TP53I13: variants seen among roughly 807,000 people sequenced by gnomAD.
TP53I13 encodes the protein tumor protein p53 inducible protein 13, also known as tumor protein p53-inducible protein 13.
In TP53I13, 27 loss-of-function variants were observed where a neutral mutation model predicts 39.1. That is an observed-to-expected ratio of 0.69 (90% CI 0.51 to 0.95). The LOEUF is 0.95. Among genes scored for constraint, TP53I13 ranks in the 40% least tolerant of loss-of-function variants. TP53I13 has a pLI of 0.00. For synonymous variants in TP53I13, 230 were observed against 224.6 expected, an observed-to-expected ratio of 1.02 and a Z score of -0.22; for missense variants, 544 against 520.4, an observed-to-expected ratio of 1.05 and a Z score of -0.44.
chr17:29,568,990 G>A lies in TP53I13; in HGVS notation c.73-28G>A, dbSNP rs763788667. 36 of 1,601,346 alleles carry A rather than the reference G, an allele frequency of 2.2e-5. No individual in the cohort carries two copies. The highest frequency in any genetic ancestry group is 4.3e-6 in the Non-Finnish European group (5 of 1,175,334). ...AGGGCAGGGCCTCGCCGCGTCCAGC[G>A]CCCCAACTCTTCGCTTTGGACCCAC... On this transcript the variant is annotated intron_variant, in intron 1 of 6. Transcript: ENST00000301057. The surrounding 1 kb of genome is among the most constrained non-coding windows in gnomAD (Gnocchi z 4.5).
rs1567763937 is a variant in TP53I13 at position 29,572,839 on chromosome 17, C to CCTCGCGCCGGGTCAAGCG, written c.1108_1125dup (p.Val370_Arg375dup). On this transcript the variant is annotated inframe_insertion, in exon 7 of 7. Transcript: ENST00000301057. ...GTGCTGAAGCGGAGGCTGCTGCAGC[C>CCTCGCGCCGGGTCAAGCG]CTCGCGCCGGGTCAAGCGCTCGCGC... The CCTCGCGCCGGGTCAAGCG allele has an allele frequency of 7.2e-6, 11 of 1,527,162 alleles. No individual in the cohort carries two copies. The highest frequency in any genetic ancestry group is 2.5e-5 in the East Asian group (1 of 39,782). 94.6% of individuals were successfully genotyped at this position (1,527,162 alleles called of 1,614,324 possible).
chr17:29,580,424 C>T, the TP53I13 span, among the ~76,000 whole-genome samples: 1 of 152,222 alleles, frequency 6.6e-6, no homozygotes, highest in African/African-American at 2.4e-5. Flanking sequence ...AGAGCACCTC[C>T]TCTCTCCAGA....
upstream of TP53I13, chr17:29,566,657 G>T: frequency 6.2e-7 from 1 of 1,603,434 alleles, no homozygotes. Flanking sequence ...TGCAGGTGGG[G>T]CCCGGAGAAC....
chr17:29,568,610 G>A (rs1027571660), upstream of TP53I13: 8 of 298,634 alleles, frequency 2.7e-5, no homozygotes, highest in Non-Finnish European at 3.5e-5. The surrounding 1 kb of genome is among the most constrained non-coding windows in gnomAD (Gnocchi z 4.5). Context: ...GGGGCCCACT[G>A]TCTGGGGAGG....
At chr17:29,574,909 T>C, downstream of TP53I13, 1 of 1,562,838 alleles carries the variant, frequency 6.4e-7, no homozygotes, top group Non-Finnish European at 8.6e-7. Flanking sequence ...GCTCCAGGGC[T>C]GGCCTCTGGA....
chr17:29,577,049 T>G, downstream of TP53I13: 3 of 1,607,246 alleles, frequency 1.9e-6, no homozygotes, highest in Non-Finnish European at 2.5e-6. Flanking sequence ...AACCCATCTC[T>G]CAGGTCACCA....
Position 29,568,848 on chromosome 17 carries a change from TG to T in TP53I13, c.72+21del, listed in dbSNP as rs1334748626. ...CCAGCGAGGTAAGGTGACCCGCTCC[TG>T]GGAAGGCCTCGGCCCGCGAGCTCAA... On this transcript the variant is annotated intron_variant, in intron 1 of 6. Coordinates refer to ENST00000301057, the MANE Select transcript of TP53I13 (RefSeq NM_138349.4). This position sits in a 1 kb window ranked among gnomAD's most constrained non-coding sequence, Gnocchi z 4.5. 6.3e-7 allele frequency: 1 copy of T among 1,599,914 alleles called. No homozygotes were observed. The highest frequency in any genetic ancestry group is 1.1e-5 in the South Asian group (1 of 91,056).
At chr17:29,581,884 A>C in the TP53I13 span, 34 of 1,600,056 alleles carry the variant, frequency 2.1e-5, no homozygotes, top group South Asian at 2.6e-4. The surrounding 1 kb of genome is among the most constrained non-coding windows in gnomAD (Gnocchi z 4.8). Context: ...GCCCTCACCC[A>C]CACCCCCACC....
At chr17:29,575,956 C>T (rs1222749451), downstream of TP53I13, 8 of 1,529,522 alleles carry the variant, frequency 5.2e-6, no homozygotes, top group Middle Eastern at 3.4e-4. This position sits in a 1 kb window ranked among gnomAD's most constrained non-coding sequence, Gnocchi z 5.5. Context: ...CCCTGCTCAC[C>T]AGCAGTGCAG....
rs1183291252 is a variant in TP53I13 at position 29,572,685 on chromosome 17, G to T, written c.1057G>T (p.Asp353Tyr). 3 of 1,559,134 alleles carry T rather than the reference G, an allele frequency of 1.9e-6. No individual in the cohort carries two copies. The highest frequency in any genetic ancestry group is 1.7e-6 in the Non-Finnish European group (2 of 1,151,618). The change falls in exon 6 of 7, where the codon GAC (aspartate) becomes TAC (tyrosine). Residue 353 changes from aspartate to tyrosine, a missense_variant. Transcript: ENST00000301057. ...IYWGPTADSQ[D>Y]TVAAVLKRRL... Reference sequence around the variant, plus strand: ...CTGGGGGCCCACAGCGGACAGCCAGGACACAGTGGCTGGTGAGGAGTTCCC... The same window carrying T: ...CTGGGGGCCCACAGCGGACAGCCAGTACACAGTGGCTGGTGAGGAGTTCCC...
downstream of TP53I13, chr17:29,575,561 C>A: frequency 7.0e-6 from 11 of 1,564,784 alleles, no homozygotes; most frequent in Non-Finnish European, 1.7e-6. This position sits in a 1 kb window ranked among gnomAD's most constrained non-coding sequence, Gnocchi z 5.5. Flanking sequence ...TCCTCACACA[C>A]TGGGGGCCCT....
downstream of TP53I13, chr17:29,577,299 G>C: frequency 7.3e-7 from 1 of 1,379,056 alleles, no homozygotes; most frequent in Non-Finnish European, 1.0e-6. Flanking sequence ...TATGACTGAC[G>C]CAGGACGGCA....
chr17:29,579,347 C>G, the TP53I13 span: 1 of 321,168 alleles, frequency 3.1e-6, no homozygotes, highest in Non-Finnish European at 5.8e-6. Flanking sequence ...CTGTTCCACC[C>G]AGCAGCCAGG....
downstream of TP53I13, chr17:29,577,670 G>C (rs2033261362): frequency 6.8e-6 from 11 of 1,611,874 alleles, no homozygotes; most frequent in Non-Finnish European, 9.3e-6. Context: ...TGAGTATTCC[G>C]GGTTAACAGG....
At position 29,571,728 on chromosome 17, in the gene TP53I13, C is replaced by T; in HGVS notation, c.312+9C>T. 1 of 1,614,104 alleles carries T rather than the reference C, an allele frequency of 6.2e-7. No homozygotes were observed. Among genetic ancestry groups the T allele is most frequent in the Non-Finnish European group, 8.5e-7 (1 of 1,180,032 alleles). ...GCCTCACGCAGGATCGGGTATGTAGCTGATGAAAGGCGCTTGCCTGGCCCT... is the reference window on the plus strand; with the variant it reads ...GCCTCACGCAGGATCGGGTATGTAGTTGATGAAAGGCGCTTGCCTGGCCCT... On this transcript the variant is annotated intron_variant, in intron 4 of 6. Transcript: ENST00000301057.
downstream of TP53I13, chr17:29,575,582 C>A: frequency 6.3e-7 from 1 of 1,588,030 alleles, no homozygotes; most frequent in South Asian, 1.1e-5. The surrounding 1 kb of genome is among the most constrained non-coding windows in gnomAD (Gnocchi z 5.5). Context: ...CTCAACCTCC[C>A]CGCCTCGGCA....
upstream of TP53I13, chr17:29,568,156 G>C (rs921512372): frequency 1.3e-5 from 2 of 152,224 alleles, no homozygotes; most frequent in African/African-American, 4.8e-5. The surrounding 1 kb of genome is among the most constrained non-coding windows in gnomAD (Gnocchi z 4.5). Context: ...AGGCTCCTCC[G>C]CGTTGGACCC....
the TP53I13 span, chr17:29,579,309 CCCT>C: frequency 2.3e-6 from 1 of 426,600 alleles, no homozygotes; most frequent in East Asian, 4.1e-5. Flanking sequence ...TTCTTAATCT[CCCT>C]CCTTCTAGTT....
intron 2 of TP53I13, 44 bp downstream of exon 2, chr17:29,569,130 T>C (rs1259437747): frequency 1.9e-6 from 3 of 1,553,074 alleles, no homozygotes; most frequent in East Asian, 4.8e-5. Context: ...TGTGAAAGGC[T>C]AGCCCAGTCC....
Sources: allele counts gnomAD v4.1 joint callset (sites outside exome capture counted in the v4.1 genomes callset), GRCh38; gene constraint gnomAD v4.1.1; non-coding constraint Gnocchi (gnomAD v3.1); transcripts MANE v1.5; gene names NCBI Gene and HGNC (gene_info 2026-07-23, HGNC 2026-07-21).